Variants in DLC1 observed in about 807,000 individuals in gnomAD.
The protein encoded by DLC1 is DLC1 Rho GTPase activating protein.
A neutral mutation model predicts 140.3 loss-of-function variants in DLC1; 54 were observed. That is an observed-to-expected ratio of 0.38 (90% CI 0.31 to 0.48). The LOEUF (loss-of-function observed/expected upper bound fraction) is 0.48. Among genes scored for constraint, DLC1 ranks in the 20% least tolerant of loss-of-function variants. The probability of loss-of-function intolerance (pLI) is 0.96; values close to 1 mark genes in which losing one functional copy is unlikely to be tolerated. For missense variants in DLC1, 2,536 were observed against 1,907.0 expected, an observed-to-expected ratio of 1.33 and a Z score of -6.14; for synonymous variants, 986 against 728.1, an observed-to-expected ratio of 1.35 and a Z score of -5.70.
At chr8:13,379,566 C>G (rs1586239127) in intron 4 of DLC1, among the ~76,000 whole-genome samples, 1 of 152,136 alleles carries the variant, frequency 6.6e-6, no homozygotes, top group African/African-American at 2.4e-5. Flanking sequence ...TTGCATCAGG[C>G]TCATGTCAAA....
At chr8:13,132,613 C>T (rs554566609) in intron 5 of DLC1, among the ~76,000 whole-genome samples, 2 of 152,292 alleles carry the variant, frequency 1.3e-5, no homozygotes, top group South Asian at 2.1e-4. Context: ...GCCAGAGCCG[C>T]GAGCCCCCGC....
intron 2 of DLC1, among the ~76,000 whole-genome samples, chr8:13,427,459 G>T (rs894843318): frequency 1.3e-5 from 2 of 152,142 alleles, no homozygotes; most frequent in Non-Finnish European, 2.9e-5. Flanking sequence ...CTTTCCCATT[G>T]TACAGAATTA....
intron 2 of DLC1, among the ~76,000 whole-genome samples, chr8:13,410,027 G>T (rs1309274186): frequency 6.6e-6 from 1 of 152,042 alleles, no homozygotes; most frequent in African/African-American, 2.4e-5. Flanking sequence ...AGGAATTAGA[G>T]TCTCACCTAG....
intron 2 of DLC1, among the ~76,000 whole-genome samples, chr8:13,425,312 T>C (rs370730): frequency 0.54 from 82,601 of 151,816 alleles, 22,675 homozygotes; most frequent in African/African-American, 0.58. Flanking sequence ...GGAGGGTTAG[T>C]TGCATATCAA....
intron 5 of DLC1, among the ~76,000 whole-genome samples, chr8:13,245,242 G>T (rs1489673648): frequency 1.3e-5 from 2 of 152,172 alleles, no homozygotes; most frequent in African/African-American, 4.8e-5. Flanking sequence ...CCCCACTGGG[G>T]TGTCTGCATC....
At chr8:13,396,042 TG>T (rs1837025689) in intron 3 of DLC1, among the ~76,000 whole-genome samples, 1 of 150,542 alleles carries the variant, frequency 6.6e-6, no homozygotes, top group African/African-American at 2.4e-5. Context: ...AGAAATATTT[TG>T]CATTAATTTC....
At chr8:13,455,789 G>C (rs1180003942) in intron 2 of DLC1, among the ~76,000 whole-genome samples, 3 of 152,140 alleles carry the variant, frequency 2.0e-5, no homozygotes, top group Admixed American at 2.0e-4. Context: ...GGCTGGAGGA[G>C]CACTTGAACC....
At chr8:13,566,558 A>C (rs1185493164) in intron 1 of DLC1, among the ~76,000 whole-genome samples, 1 of 152,186 alleles carries the variant, frequency 6.6e-6, no homozygotes, top group South Asian at 2.1e-4. Context: ...TTTTAAATCT[A>C]GATGCATTTA....
intron 15 of DLC1, among the ~76,000 whole-genome samples, chr8:13,089,164 A>G (rs1585568558): frequency 6.7e-6 from 1 of 150,050 alleles, no homozygotes; most frequent in East Asian, 2.0e-4. Context: ...GAGGCTGAGG[A>G]AGGAGAATCA....
intron 5 of DLC1, among the ~76,000 whole-genome samples, chr8:13,131,732 G>A (rs1186660861): frequency 3.9e-5 from 6 of 152,186 alleles, no homozygotes; most frequent in African/African-American, 1.2e-4. Context: ...CCCGCGCGGA[G>A]GTAATACAGT....
chr8:13,375,956 C>T (rs1835963256), intron 4 of DLC1, among the ~76,000 whole-genome samples: 2 of 152,198 alleles, frequency 1.3e-5, no homozygotes, highest in Middle Eastern at 3.4e-3. Flanking sequence ...TCTAGGATAC[C>T]TGTGAGAGTG....
chr8:13,370,220 T>C (rs986550097), intron 4 of DLC1, among the ~76,000 whole-genome samples: 1 of 152,124 alleles, frequency 6.6e-6, no homozygotes, highest in Admixed American at 6.6e-5. Flanking sequence ...ATGAATATTT[T>C]ACTTATATTT....
chr8:13,527,442 A>G (rs1402697846), intron 1 of DLC1, among the ~76,000 whole-genome samples: 1 of 152,176 alleles, frequency 6.6e-6, no homozygotes, highest in African/African-American at 2.4e-5. Flanking sequence ...CCTGGGATAA[A>G]CCATCCATTG....
At chr8:13,114,964 C>T (rs1461101934) in intron 6 of DLC1, among the ~76,000 whole-genome samples, 3 of 152,180 alleles carry the variant, frequency 2.0e-5, no homozygotes, top group Non-Finnish European at 4.4e-5. Flanking sequence ...CCCAGTAATT[C>T]TGTTCCTAGG....
intron 5 of DLC1, among the ~76,000 whole-genome samples, chr8:13,271,223 G>A (rs1006484571): frequency 6.6e-6 from 1 of 152,194 alleles, no homozygotes; most frequent in Non-Finnish European, 1.5e-5. Context: ...GCCTATGATT[G>A]GAAAAGTGTT....
chr8:13,387,055 A>T (rs1424136266), intron 4 of DLC1, among the ~76,000 whole-genome samples: 1 of 152,046 alleles, frequency 6.6e-6, no homozygotes, highest in African/African-American at 2.4e-5. Context: ...ATTAATTCAA[A>T]TTTTTTGATG....
chr8:13,433,232 G>C (rs73665113), intron 2 of DLC1, among the ~76,000 whole-genome samples: 483 of 152,166 alleles, frequency 3.2e-3, no homozygotes, highest in African/African-American at 0.011. Context: ...GGAGTTTTTT[G>C]ACCCATGACT....
At chr8:13,405,607 T>C (rs904141164) in intron 2 of DLC1, among the ~76,000 whole-genome samples, 1 of 152,160 alleles carries the variant, frequency 6.6e-6, no homozygotes, top group Admixed American at 6.5e-5. Flanking sequence ...GAGTTCTACA[T>C]GTTGGTTTCC....
At chr8:13,177,391 T>G (rs1188283045) in intron 5 of DLC1, among the ~76,000 whole-genome samples, 5 of 152,218 alleles carry the variant, frequency 3.3e-5, no homozygotes. Flanking sequence ...TTTCATTGTT[T>G]TTGTAATTCC....
Sources: allele counts gnomAD v4.1 joint callset (sites outside exome capture counted in the v4.1 genomes callset), GRCh38; gene constraint gnomAD v4.1.1; transcripts MANE v1.5; gene names NCBI Gene and HGNC (gene_info 2026-07-23, HGNC 2026-07-21).